The following OLFM3 variants were observed in gnomAD, a reference collection of about 807,000 sequenced individuals.
OLFM3 encodes the protein noelin-3.
In OLFM3, 20 loss-of-function variants were observed where a neutral mutation model predicts 48.6. That is an observed-to-expected ratio of 0.41 (90% CI 0.29 to 0.60). The LOEUF (loss-of-function observed/expected upper bound fraction) is 0.60, where lower values mean the gene tolerates loss of function less well. Ranked by LOEUF, OLFM3 falls within the 20% of genes least tolerant of loss-of-function variation. The pLI is 0.28. For missense variants in OLFM3, 437 were observed against 544.3 expected (o/e 0.80, Z 1.96); for synonymous variants, 222 against 198.1 (o/e 1.12, Z -1.01).
chr1:101,890,041 C>A lies in OLFM3; in HGVS notation c.70-53016G>T, dbSNP rs114306441. 8.8e-3 allele frequency among the ~76,000 whole-genome samples: 1,343 copies of A among 152,024 alleles called. 30 individuals carry two copies. Among genetic ancestry groups the A allele is most frequent in the African/African-American group, 0.031 (1,284 of 41,502 alleles). ...CTGATTAAGTAAATCAGGTTGAAGT[C>A]TTAAATATGACACTTGTTCACATCA... On this transcript the variant is annotated intron_variant, in intron 1 of 5. Coordinates refer to ENST00000370103, the MANE Select transcript of OLFM3 (RefSeq NM_058170.4).
chr1:101,866,687 A>G lies in OLFM3; in HGVS notation c.70-29662T>C, dbSNP rs1274953447. On this transcript the variant is annotated intron_variant, in intron 1 of 5. Transcript: ENST00000370103. ...CATCTGCTCATATTACTGTTTTTACATATGCATTCTACATAAAAATTTTTG... is the reference window on the plus strand; with the variant it reads ...CATCTGCTCATATTACTGTTTTTACGTATGCATTCTACATAAAAATTTTTG... Among the ~76,000 whole-genome samples, 28 of 152,190 alleles carry G rather than the reference A, an allele frequency of 1.8e-4. 1 individual carries two copies. Among genetic ancestry groups the G allele is most frequent in the Admixed American group, 1.8e-3 (28 of 15,274 alleles).
chr1:101,927,059 T>C (rs998421282), intron 1 of OLFM3, among the ~76,000 whole-genome samples: 2 of 152,164 alleles, frequency 1.3e-5, no homozygotes, highest in African/African-American at 2.4e-5. Context: ...TTGAAATCTT[T>C]TTAGAATTAT....
At chr1:101,828,429 T>G (rs926535754) in intron 3 of OLFM3, among the ~76,000 whole-genome samples, 1 of 152,198 alleles carries the variant, frequency 6.6e-6, no homozygotes, top group Non-Finnish European at 1.5e-5. Context: ...TTTTGACATA[T>G]AACTTCAGCG....
At chr1:101,832,592 T>C (rs1255532505) in intron 2 of OLFM3, among the ~76,000 whole-genome samples, 1 of 152,238 alleles carries the variant, frequency 6.6e-6, no homozygotes, top group South Asian at 2.1e-4. Context: ...CTTCCCTTTG[T>C]GAGCTCCATG....
At chr1:101,967,362 T>G (rs1660643543) in intron 1 of OLFM3, among the ~76,000 whole-genome samples, 1 of 151,516 alleles carries the variant, frequency 6.6e-6, no homozygotes, top group African/African-American at 2.4e-5. Context: ...TCAACTTTAC[T>G]GTGTTGGAAT....
intron 1 of OLFM3, among the ~76,000 whole-genome samples, chr1:101,937,603 C>T (rs771738832): frequency 2.0e-5 from 3 of 152,184 alleles, no homozygotes; most frequent in Non-Finnish European, 4.4e-5. Flanking sequence ...TAAGACGTGA[C>T]TTGCTCCTCC....
chr1:101,984,247 C>CAA (rs11313941), intron 1 of OLFM3, among the ~76,000 whole-genome samples: 81 of 89,608 alleles, frequency 9.0e-4, no homozygotes, highest in African/African-American at 1.9e-3. Flanking sequence ...GACTCTGTCT[C>CAA]AAAAAAAAAA....
chr1:101,827,350 C>G (rs571887209), intron 3 of OLFM3, among the ~76,000 whole-genome samples: 2 of 151,558 alleles, frequency 1.3e-5, no homozygotes, highest in South Asian at 2.1e-4. Context: ...GAGTCTCACT[C>G]TGTCACCCAG....
chr1:101,983,004 C>A (rs1043426179), intron 1 of OLFM3, among the ~76,000 whole-genome samples: 7 of 152,124 alleles, frequency 4.6e-5, no homozygotes, highest in African/African-American at 1.7e-4. Context: ...TAAATTCGAT[C>A]TTTCACCTTG....
intron 1 of OLFM3, among the ~76,000 whole-genome samples, chr1:101,906,496 G>A (rs1658555515): frequency 6.6e-6 from 1 of 152,022 alleles, no homozygotes. Context: ...AAGTTAAACT[G>A]ATTTCCATGA....
chr1:101,866,203 T>G lies in OLFM3; in HGVS notation c.70-29178A>C, dbSNP rs534660572. 2.6e-5 allele frequency among the ~76,000 whole-genome samples: 4 copies of G among 152,294 alleles called. No individual in the cohort carries two copies. The South Asian group carries it at 8.3e-4, about 32-fold the overall frequency. On this transcript the variant is annotated intron_variant, in intron 1 of 5. Transcript: ENST00000370103. ...GTTTAGTAATATAAATAAATATAAT[T>G]ATTTGTACATTAAAATGTAATTGCT...
At chr1:101,933,744 C>T (rs1411761383) in intron 1 of OLFM3, among the ~76,000 whole-genome samples, 2 of 151,926 alleles carry the variant, frequency 1.3e-5, no homozygotes, top group Admixed American at 1.3e-4. Context: ...AAGGGAACCC[C>T]ATCAGGCTAA....
intron 1 of OLFM3, among the ~76,000 whole-genome samples, chr1:101,850,191 T>A (rs1424891082): frequency 2.0e-5 from 3 of 152,120 alleles, no homozygotes; most frequent in African/African-American, 7.2e-5. Context: ...AATCTAATAA[T>A]CTCACAAAAA....
At chr1:101,895,118 C>T (rs1658148710) in intron 1 of OLFM3, among the ~76,000 whole-genome samples, 1 of 151,906 alleles carries the variant, frequency 6.6e-6, no homozygotes, top group African/African-American at 2.4e-5. Context: ...ATTTTTAAAC[C>T]CTTTCTAAGA....
At chr1:101,950,027 TAAAA>T (rs68119821) in intron 1 of OLFM3, among the ~76,000 whole-genome samples, 1 of 129,190 alleles carries the variant, frequency 7.7e-6, no homozygotes. Flanking sequence ...GACTCCGTCT[TAAAA>T]AAAAAAAAAA....
chr1:101,985,512 A>G (rs1171097050), intron 1 of OLFM3, among the ~76,000 whole-genome samples: 1 of 152,216 alleles, frequency 6.6e-6, no homozygotes, highest in Non-Finnish European at 1.5e-5. Context: ...AATTTCTTGA[A>G]TACTGTTCTA....
intron 1 of OLFM3, among the ~76,000 whole-genome samples, chr1:101,855,923 T>TGTTATGA (rs1235371831): frequency 6.6e-6 from 1 of 151,006 alleles, no homozygotes; most frequent in Admixed American, 6.6e-5. Context: ...TCTGAAAAGT[T>TGTTATGA]GTTATGAGTT....
At chr1:101,919,312 T>G (rs1659021353) in intron 1 of OLFM3, among the ~76,000 whole-genome samples, 1 of 152,206 alleles carries the variant, frequency 6.6e-6, no homozygotes, top group Non-Finnish European at 1.5e-5. Context: ...TGAAAAATTT[T>G]TTTGAACTTT....
At chr1:101,975,382 C>A (rs1246675059) in intron 1 of OLFM3, among the ~76,000 whole-genome samples, 1 of 152,140 alleles carries the variant, frequency 6.6e-6, no homozygotes, top group African/African-American at 2.4e-5. Context: ...TAACAACATC[C>A]TGTGGACATT....
Sources: allele counts gnomAD v4.1 joint callset (sites outside exome capture counted in the v4.1 genomes callset), GRCh38; gene constraint gnomAD v4.1.1; transcripts MANE v1.5; gene names NCBI Gene and HGNC (gene_info 2026-07-23, HGNC 2026-07-21).